MAD1L1: variants seen among roughly 807,000 people sequenced by gnomAD.
MAD1L1 encodes the protein mitotic arrest deficient 1 like 1, also known as mitotic spindle assembly checkpoint protein MAD1.
Under a neutral mutation model 96.9 loss-of-function variants are expected in MAD1L1, and 95 were observed. That is an observed-to-expected ratio of 0.98 (90% CI 0.83 to 1.16). The LOEUF is 1.16. MAD1L1 is among the 50% of genes most tolerant of loss of function. MAD1L1 has a pLI of 0.00. For synonymous variants in MAD1L1, 473 were observed against 396.6 expected, an observed-to-expected ratio of 1.19 and a Z score of -2.29; for missense variants, 1,007 against 954.4, an observed-to-expected ratio of 1.06 and a Z score of -0.73.
intron 11 of MAD1L1, among the ~76,000 whole-genome samples, chr7:2,089,477 T>C (rs950525685): frequency 4.6e-5 from 7 of 152,200 alleles, no homozygotes; most frequent in Non-Finnish European, 8.8e-5. Flanking sequence ...TCCACAGCCA[T>C]GTGGAACCAT....
intron 18 of MAD1L1, among the ~76,000 whole-genome samples, chr7:1,873,445 CGGTGGGGAGGGGCA>C (rs1423640981): frequency 1.7e-5 from 2 of 118,956 alleles, no homozygotes; most frequent in Admixed American, 8.7e-5. Flanking sequence ...ATGCGAGGGG[CGGTGGGGAGGGGCA>C]GGTGGGGAGC....
intron 10 of MAD1L1, among the ~76,000 whole-genome samples, chr7:2,154,347 A>T (rs1584441246): frequency 6.6e-6 from 1 of 152,246 alleles, no homozygotes; most frequent in African/African-American, 2.4e-5. Context: ...GGGTGAGCGG[A>T]ACCACAGATG....
At chr7:2,123,046 G>A (rs1286563978) in intron 11 of MAD1L1, among the ~76,000 whole-genome samples, 1 of 151,450 alleles carries the variant, frequency 6.6e-6, no homozygotes. Context: ...GCTCACACCT[G>A]TAATCCCAGC....
chr7:1,910,116 C>A (rs1787921756), intron 17 of MAD1L1, among the ~76,000 whole-genome samples: 1 of 152,090 alleles, frequency 6.6e-6, no homozygotes, highest in Admixed American at 6.5e-5. Flanking sequence ...GCGCGGATAT[C>A]ATATTTGGAG....
intron 18 of MAD1L1, among the ~76,000 whole-genome samples, chr7:1,868,771 C>T (rs1484763610): frequency 1.3e-5 from 2 of 152,214 alleles, no homozygotes; most frequent in East Asian, 3.9e-4. Flanking sequence ...GCAGTGACGA[C>T]CACCAGGGGA....
intron 18 of MAD1L1, among the ~76,000 whole-genome samples, chr7:1,884,578 C>T (rs1160626960): frequency 1.3e-5 from 2 of 152,238 alleles, no homozygotes; most frequent in African/African-American, 2.4e-5. Flanking sequence ...CCAATCACTG[C>T]CGAACTTTAT....
At chr7:1,909,389 C>A (rs1787870994) in intron 17 of MAD1L1, among the ~76,000 whole-genome samples, 2 of 152,228 alleles carry the variant, frequency 1.3e-5, no homozygotes, top group Admixed American at 1.3e-4. Context: ...TAAACTATTT[C>A]AGTTTTACAT....
chr7:1,962,687 G>A (rs549117436), intron 15 of MAD1L1, among the ~76,000 whole-genome samples: 2 of 152,296 alleles, frequency 1.3e-5, no homozygotes, highest in South Asian at 4.1e-4. Context: ...CAAGTGAGCT[G>A]AATGAAAAGA....
intron 11 of MAD1L1, among the ~76,000 whole-genome samples, chr7:2,085,889 G>T (rs973970322): frequency 6.6e-6 from 1 of 152,224 alleles, no homozygotes; most frequent in African/African-American, 2.4e-5. Context: ...CCCACTGGAC[G>T]CTCACGGCAG....
chr7:1,922,048 A>G (rs1240358238), intron 17 of MAD1L1, among the ~76,000 whole-genome samples: 2 of 152,340 alleles, frequency 1.3e-5, no homozygotes, highest in East Asian at 1.9e-4. Context: ...GAAGAAACCA[A>G]TCAGCCCTGT....
At chr7:2,001,972 G>A (rs922185766) in intron 14 of MAD1L1, 93 bp downstream of exon 14, 18 of 1,336,958 alleles carry the variant, frequency 1.3e-5, no homozygotes, top group African/African-American at 5.8e-5. Flanking sequence ...ATGCACTGGC[G>A]CCTGCAGCCT....
intron 12 of MAD1L1, among the ~76,000 whole-genome samples, chr7:2,041,512 T>A (rs1783673089): frequency 6.6e-6 from 1 of 152,138 alleles, no homozygotes. Flanking sequence ...TTTGGGCACC[T>A]GTTCCCCACA....
At chr7:2,160,766 T>C (rs1484520069) in intron 10 of MAD1L1, among the ~76,000 whole-genome samples, 3 of 152,000 alleles carry the variant, frequency 2.0e-5, no homozygotes, top group African/African-American at 7.3e-5. Context: ...AGGTACCCAC[T>C]ACCATGCCGG....
rs111211054 is a variant in MAD1L1 at position 1,888,416 on chromosome 7, A to G, written c.1998+9784T>C. On this transcript the variant is annotated intron_variant, in intron 18 of 18. Transcript: ENST00000265854. ...TGTGCATGCGTGTGGCTGCCTGTGC[A>G]TGTGAGCATGCATGTGGCTGCCTGT... is the stretch of plus-strand genomic sequence containing the variant. Among the ~76,000 whole-genome samples the G allele has an allele frequency of 1.9e-3, 257 of 132,442 alleles. 2 individuals carry two copies. Among genetic ancestry groups the G allele is most frequent in the African/African-American group, 7.1e-3 (242 of 33,984 alleles). 86.9% of individuals were successfully genotyped at this position (132,442 alleles called of 152,430 possible). A position where few individuals can be genotyped will look rare whatever the true frequency, so the allele number is the denominator to read the frequency against.
intron 18 of MAD1L1, among the ~76,000 whole-genome samples, chr7:1,823,156 G>A (rs1782217266): frequency 6.6e-6 from 1 of 152,154 alleles, no homozygotes; most frequent in Non-Finnish European, 1.5e-5. Flanking sequence ...CTTCAGTGGA[G>A]GAAGGGCAGC....
chr7:2,173,495 G>A (rs114669831), intron 10 of MAD1L1, among the ~76,000 whole-genome samples: 5,668 of 152,272 alleles, frequency 0.037, 385 homozygotes, highest in African/African-American at 0.13. Context: ...TTTTTCACTT[G>A]CTTAGCTGTC....
At chr7:2,192,920 G>A (rs1356861640) in intron 10 of MAD1L1, among the ~76,000 whole-genome samples, 1 of 152,130 alleles carries the variant, frequency 6.6e-6, no homozygotes, top group Non-Finnish European at 1.5e-5. Flanking sequence ...GTTTAGAAAA[G>A]GAAAAAACTG....
intron 12 of MAD1L1, among the ~76,000 whole-genome samples, chr7:2,051,756 A>AAC (rs1784187607): frequency 4.0e-5 from 1 of 24,838 alleles, no homozygotes; most frequent in African/African-American, 1.9e-4. Context: ...ACCCCCCACC[A>AAC]CCCCCACCAG....
At chr7:2,013,156 G>C (rs907199607) in intron 13 of MAD1L1, among the ~76,000 whole-genome samples, 3 of 152,254 alleles carry the variant, frequency 2.0e-5, no homozygotes, top group African/African-American at 4.8e-5. Flanking sequence ...TGCTGTGTGT[G>C]CTCAGCAGCC....
Sources: allele counts gnomAD v4.1 joint callset (sites outside exome capture counted in the v4.1 genomes callset), GRCh38; gene constraint gnomAD v4.1.1; transcripts MANE v1.5; gene names NCBI Gene and HGNC (gene_info 2026-07-23, HGNC 2026-07-21).